TUBGCP6: variants seen among roughly 807,000 people sequenced by gnomAD.
TUBGCP6 encodes gamma-tubulin complex component 6.
Under a neutral mutation model 175.8 loss-of-function variants are expected in TUBGCP6, and 161 were observed. The ratio of observed to expected loss-of-function variants is 0.92; its 90% CI spans 0.81 to 1.04. The LOEUF (loss-of-function observed/expected upper bound fraction) is 1.04. Among genes scored for constraint, TUBGCP6 ranks in the 50% least tolerant of loss-of-function variants. The pLI, the probability that TUBGCP6 is intolerant of heterozygous loss-of-function variation, is 0.00. For synonymous variants in TUBGCP6, 1,173 were observed against 1,030.5 expected (o/e 1.14, Z -2.65); for missense variants, 2,572 against 2,433.0 (o/e 1.06, Z -1.20).
In TUBGCP6 at chr22:50,220,438, G is replaced by A. The variant is rs1479492341; in HGVS notation, c.3921C>T (p.Ser1307=). ...PPGHTSQSAL[S]LGAQSTVLDC... is the part of the protein sequence containing the mutation. ...CCAGCACAGTGCTCTGTGCTCCCAG[G>A]CTGAGCGCTGACTGGGACGTGTGGC... is the stretch of plus-strand genomic sequence containing the variant. The change falls in exon 16 of 25, where the codon AGC becomes AGT. Residue 1307 remains serine (S), a synonymous_variant. Transcript: ENST00000248846. The A allele has an allele frequency of 6.2e-7, 1 of 1,611,718 alleles. No individual in the cohort carries two copies. The highest frequency in any genetic ancestry group is 1.1e-5 in the South Asian group (1 of 90,880).
chr22:50,226,963 C>T, intron 6 of TUBGCP6, 36 bp downstream of exon 6: 1 of 1,602,452 alleles, frequency 6.2e-7, no homozygotes, highest in Non-Finnish European at 8.5e-7. Flanking sequence ...CTGGAGCCCA[C>T]CAGGCTGACA....
At position 50,227,894 on chromosome 22, in the gene TUBGCP6, T is replaced by A. The variant is rs559151172; in HGVS notation, c.1412+13A>T. The A allele has an allele frequency of 8.9e-6, 14 of 1,572,148 alleles. No homozygotes were observed. The Admixed American group carries it at 2.6e-4, about 29-fold the overall frequency. On this transcript the variant is annotated intron_variant, in intron 5 of 24. Transcript: ENST00000248846. ...CGCAAAGTCCCCTGCTCAGCCGCCA[T>A]GCTGAGGCTCACCTGAGCTGCCGGC... is the stretch of plus-strand genomic sequence containing the variant.
At chr22:50,232,057 C>T (rs2064700816) in intron 3 of TUBGCP6, among the ~76,000 whole-genome samples, 1 of 150,224 alleles carries the variant, frequency 6.7e-6, no homozygotes, top group Admixed American at 6.6e-5. Context: ...CCCATCTCTT[C>T]AGGCATTTTA....
Position 50,229,499 on chromosome 22 carries a change from C to A in TUBGCP6, c.1195G>T (p.Glu399Ter). ...TAGCAGGTCCCATACTCGGCCACTT[C>A]CGAGAGCAGGCTGCTGATGCTCTCG... Reference protein sequence around the residue: ...SPESISSLLSEVAEYGTCYTR... With the variant: ...SPESISSLLS The change falls in exon 4 of 25, where the codon GAA becomes TAA. Residue 399 changes from glutamate to a stop codon, truncating the protein, a stop_gained. Transcript: ENST00000248846. LOFTEE classifies it high-confidence loss of function. 1 of 1,611,152 alleles carries A rather than the reference C, an allele frequency of 6.2e-7. No homozygotes were observed. The highest frequency in any genetic ancestry group is 8.5e-7 in the Non-Finnish European group (1 of 1,178,960).
chr22:50,231,459 G>T (rs990386973), intron 3 of TUBGCP6, among the ~76,000 whole-genome samples: 1 of 138,630 alleles, frequency 7.2e-6, no homozygotes, highest in Non-Finnish European at 1.6e-5. Flanking sequence ...GTCTCAAAAA[G>T]AAAAAAAAAA....
rs2147188534 is a variant in TUBGCP6, at chr22:50,226,299, G to A, written c.1681C>T (p.Leu561Phe). Residue 561 changes from leucine (L) to phenylalanine (F), a missense_variant, in exon 8 of 25, where the codon CTC becomes TTC. Transcript: ENST00000248846. ...AGCTGCCACCTACCTCGGAAGCTGA[G>A]GTACTCGTGGTTCACCTGAATCATG... is the stretch of plus-strand genomic sequence containing the variant. Reference protein sequence around the residue: ...EFMIQVNHEYLSFRDKLYWTH... With the variant: ...EFMIQVNHEYFSFRDKLYWTH... 2 of 1,613,956 alleles carry A rather than the reference G, an allele frequency of 1.2e-6. No homozygotes were observed. The highest frequency in any genetic ancestry group is 1.1e-5 in the South Asian group (1 of 91,076).
rs1175812269 is a variant in TUBGCP6, at chr22:50,219,051, C to A, written c.4626+17G>T. ...CCTCCCCTCTACCACTGGCCCCACC[C>A]CGTGTCCGGAGGCCACCTTCTCAAA... On this transcript the variant is annotated intron_variant, in intron 20 of 24. Coordinates refer to ENST00000248846, the MANE Select transcript of TUBGCP6 (RefSeq NM_020461.4). 1 of 1,611,106 alleles carries A rather than the reference C, an allele frequency of 6.2e-7. No homozygotes were observed. Among genetic ancestry groups the A allele is most frequent in the Non-Finnish European group, 8.5e-7 (1 of 1,179,744 alleles).
At chr22:50,225,643 C>T in intron 10 of TUBGCP6, 151 bp downstream of exon 10, 1 of 839,008 alleles carries the variant, frequency 1.2e-6, no homozygotes, top group Non-Finnish European at 1.6e-6. Context: ...TCAACTCCCC[C>T]TTGGCACCCA....
chr22:50,231,737 T>C lies in TUBGCP6; in HGVS notation c.1116+1579A>G, dbSNP rs2064695939. On this transcript the variant is annotated intron_variant, in intron 3 of 24. Transcript: ENST00000248846. ...AGACGGGCGCGGTGGCGGGTGCCTG[T>C]AGTCCCAGCTACTCAGGGAGGCTGA... Among the ~76,000 whole-genome samples the C allele has an allele frequency of 2.7e-5, 4 of 150,558 alleles. No individual in the cohort carries two copies. In the South Asian group the frequency reaches 8.4e-4, roughly 32 times the overall value.
chr22:50,219,436 G>A lies in TUBGCP6; in HGVS notation c.4336C>T (p.Leu1446Phe). 2 of 1,573,590 alleles carry A rather than the reference G, an allele frequency of 1.3e-6. No individual in the cohort carries two copies. Among genetic ancestry groups the A allele is most frequent in the Non-Finnish European group, 1.7e-6 (2 of 1,160,586 alleles). Residue 1446 changes from leucine (L) to phenylalanine (F), a missense_variant, in exon 19 of 25, where the codon CTT becomes TTT. Transcript: ENST00000248846. ...GCCCGGGGAAGCACGGGGCGCAAAAGATGAGCAATGGGCGGCTCGGCTGCG... is the reference window on the plus strand; with the variant it reads ...GCCCGGGGAAGCACGGGGCGCAAAAAATGAGCAATGGGCGGCTCGGCTGCG... The part of the protein sequence containing the change: ...ESMSEPPIAH[L>F]LRPVLPRAFA...
At chr22:50,232,945 G>A (rs1381857561) in intron 3 of TUBGCP6, among the ~76,000 whole-genome samples, 1 of 152,222 alleles carries the variant, frequency 6.6e-6, no homozygotes, top group African/African-American at 2.4e-5. Flanking sequence ...GAGAAGAGCA[G>A]CGCAGGCCCC....
At chr22:50,229,725 A>C in intron 3 of TUBGCP6, 148 bp from the exon 4 acceptor site, 1 of 720,444 alleles carries the variant, frequency 1.4e-6, no homozygotes. Context: ...CATACCCAGA[A>C]CTCCCACACC....
In TUBGCP6 at chr22:50,219,588, C is replaced by G. The variant is rs56058201; in HGVS notation, c.4315+56G>C. ...GCCCCAACCCACAGGAGGTGGAGCA[C>G]GTGCTGGGAACCAGCCAGCCCAGGG... On this transcript the variant is annotated intron_variant, in intron 18 of 24. Coordinates refer to ENST00000248846, the MANE Select transcript of TUBGCP6 (RefSeq NM_020461.4). 4 of 1,599,152 alleles carry G rather than the reference C, an allele frequency of 2.5e-6. No individual in the cohort carries two copies. The South Asian group carries it at 4.4e-5, about 18-fold the overall frequency.
At chr22:50,228,402 TGGC>T (rs928168389) in intron 4 of TUBGCP6, among the ~76,000 whole-genome samples, 1 of 152,078 alleles carries the variant, frequency 6.6e-6, no homozygotes, top group African/African-American at 2.4e-5. Context: ...GGGGGGGAAA[TGGC>T]GGCCGTGCTC....
intron 10 of TUBGCP6, 45 bp downstream of exon 10, chr22:50,225,749 G>C (rs764207366): frequency 7.0e-6 from 11 of 1,577,008 alleles, no homozygotes; most frequent in Admixed American, 5.3e-5. Context: ...CCAGGAAGCA[G>C]AGGCAGGGGC....
In TUBGCP6 at chr22:50,226,860, G is replaced by C. The variant is rs1288276084; in HGVS notation, c.1492-18C>G. On this transcript the variant is annotated intron_variant, in intron 6 of 24. Transcript: ENST00000248846. The stretch of plus-strand genomic sequence containing the variant: ...TTCACGCCCTGCAGACCGCAAAGGG[G>C]GTGGGGGGCAGCTCAGCGCACCCAG... The C allele has an allele frequency of 6.4e-7, 1 of 1,567,142 alleles. No individual in the cohort carries two copies. Among genetic ancestry groups the C allele is most frequent in the African/African-American group, 1.3e-5 (1 of 74,388 alleles).
At chr22:50,239,603 T>C (rs2064815764) in intron 2 of TUBGCP6, among the ~76,000 whole-genome samples, 1 of 152,160 alleles carries the variant, frequency 6.6e-6, no homozygotes, top group African/African-American at 2.4e-5. Flanking sequence ...GGCTACCGCA[T>C]CCAGAGAGCA....
intron 2 of TUBGCP6, among the ~76,000 whole-genome samples, chr22:50,234,042 A>G (rs969387774): frequency 8.8e-5 from 13 of 148,108 alleles, no homozygotes; most frequent in Non-Finnish European, 1.8e-4. Context: ...ATCCAGGTCC[A>G]CTGCAGCATC....
At position 50,226,195 on chromosome 22, in the gene TUBGCP6, G is replaced by A; in HGVS notation, c.1694-6C>T. On this transcript the variant is annotated splice_region_variant and splice_polypyrimidine_tract_variant and intron_variant, in intron 8 of 24. Transcript: ENST00000248846. ...ATGTGTCCAGTACAACTTATCTAAG[G>A]TAGGGTGAACACCACGGTGGCCGGC... 6.2e-7 allele frequency: 1 copy of A among 1,614,074 alleles called. No homozygotes were observed. Among genetic ancestry groups the A allele is most frequent in the Admixed American group, 1.7e-5 (1 of 60,026 alleles).
Sources: gnomAD v4.1 joint callset for allele counts (sites outside exome capture counted in the v4.1 genomes callset) on GRCh38, gnomAD v4.1.1 for gene constraint, MANE v1.5 for transcripts, NCBI Gene and HGNC (gene_info 2026-07-23, HGNC 2026-07-21) for gene names.